The following KLF5 variants were observed in gnomAD, a reference collection of about 807,000 sequenced individuals.
The protein encoded by KLF5 is Krueppel-like factor 5.
A neutral mutation model predicts 36.9 loss-of-function variants in KLF5; 9 were observed. That is an observed-to-expected ratio of 0.24 (90% CI 0.15 to 0.43). KLF5 has a LOEUF of 0.43. Ranked by LOEUF, KLF5 falls within the 20% of genes least tolerant of loss-of-function variation. The pLI is 1.00. For missense variants in KLF5, 524 were observed against 599.5 expected, an observed-to-expected ratio of 0.87 and a Z score of 1.31; for synonymous variants, 246 against 241.7, an observed-to-expected ratio of 1.02 and a Z score of -0.17.
At chr13:73,067,014 G>A (rs9543222) in intron 3 of KLF5, among the ~76,000 whole-genome samples, 125,497 of 152,170 alleles carry the variant, frequency 0.82, 53,974 homozygotes, top group East Asian at 0.96. Flanking sequence ...ATTATTTGTA[G>A]TATGTGTGTG....
rs534052969 is a variant in KLF5, at chr13:73,063,928, A to G, written c.1195+45A>G. On this transcript the variant is annotated intron_variant, in intron 3 of 3. Coordinates refer to ENST00000377687, the MANE Select transcript of KLF5 (RefSeq NM_001730.5). The stretch of plus-strand genomic sequence containing the variant: ...ATTCTGTGAGTTGTGTAAATAGTGT[A>G]AGTGGTATTCATCCTTTTAAAAGCT... The G allele has an allele frequency of 4.1e-6, 5 of 1,214,922 alleles. No individual in the cohort carries two copies. The South Asian group carries it at 6.1e-5, about 15-fold the overall frequency. 75.3% of individuals were successfully genotyped at this position (1,214,922 alleles called of 1,614,324 possible). A position where few individuals can be genotyped will look rare whatever the true frequency, so the allele number is the denominator to read the frequency against.
In KLF5 at chr13:73,059,516, G is replaced by T. The variant is rs1224751182; in HGVS notation, c.189G>T (p.Ala63=). The T allele has an allele frequency of 5.8e-6, 7 of 1,202,908 alleles. No homozygotes were observed. The African/African-American group carries it at 1.1e-4, about 19-fold the overall frequency. The allele number at this position is 1,202,908 out of a possible 1,614,324, so 74.5% of individuals were successfully genotyped here. ...ACCACCGCCCGCAGGCGCAGCCCGC[G>T]CCCGCGCAGGCCCCGCAGCCGGCCC... is the stretch of plus-strand genomic sequence containing the variant. ...HAHHRPQAQP[A]PAQAPQPAQP... The change falls in exon 1 of 4, where the codon GCG becomes GCT. Residue 63 remains alanine (A), a synonymous_variant. Transcript: ENST00000377687.
rs535797243 is a variant in KLF5 at position 73,076,560 on chromosome 13, C to G, written c.*674C>G. On this transcript the variant is annotated 3_prime_UTR_variant, in exon 4 of 4. Transcript: ENST00000377687. ...ACAGTTAGGATTTGTGGTAAGGTACCTCTCAACATTACCAAAATCATTTCT... is the reference window on the plus strand; with the variant it reads ...ACAGTTAGGATTTGTGGTAAGGTACGTCTCAACATTACCAAAATCATTTCT... 3 of 152,368 alleles carry G rather than the reference C, an allele frequency of 2.0e-5. No homozygotes were observed. The highest frequency in any genetic ancestry group is 6.6e-5 in the Admixed American group (1 of 15,258). The allele number at this position is 152,368 out of a possible 1,614,324, so 9.4% of individuals were successfully genotyped here.
At position 73,075,975 on chromosome 13, in the gene KLF5, A is replaced by T; in HGVS notation, c.*89A>T. ...CTGTGTAAAAACAACAAAAACAAAC[A>T]AAAGCAAGAAAACCACAACTAAAAC... On this transcript the variant is annotated 3_prime_UTR_variant, in exon 4 of 4. Transcript: ENST00000377687. 1 of 1,041,742 alleles carries T rather than the reference A, an allele frequency of 9.6e-7. No individual in the cohort carries two copies. Among genetic ancestry groups the T allele is most frequent in the South Asian group, 2.5e-5 (1 of 39,760 alleles). 64.5% of individuals were successfully genotyped at this position (1,041,742 alleles called of 1,614,324 possible).
upstream of KLF5, among the ~76,000 whole-genome samples, chr13:73,057,855 A>T (rs2044594227): frequency 6.6e-6 from 1 of 152,226 alleles, no homozygotes; most frequent in Non-Finnish European, 1.5e-5. Context: ...GTACAAGAAC[A>T]TTAAGGATTA....
chr13:73,055,896 A>C (rs144147992), upstream of KLF5, among the ~76,000 whole-genome samples: 67 of 152,162 alleles, frequency 4.4e-4, no homozygotes, highest in East Asian at 0.012. Flanking sequence ...TGGCTGTGAT[A>C]CTCTATACCT....
At position 73,076,010 on chromosome 13, in the gene KLF5, A is replaced by G. The variant is rs886200551; in HGVS notation, c.*124A>G. On this transcript the variant is annotated 3_prime_UTR_variant, in exon 4 of 4. Transcript: ENST00000377687. ...AAACCACAACTAAAACTGGAAATGTATATTTTGTATATTTGAGAAAACAGG... is the reference window on the plus strand; with the variant it reads ...AAACCACAACTAAAACTGGAAATGTGTATTTTGTATATTTGAGAAAACAGG... 3.8e-6 allele frequency: 3 copies of G among 789,702 alleles called. No individual in the cohort carries two copies. Among genetic ancestry groups the G allele is most frequent in the Non-Finnish European group, 5.6e-6 (3 of 537,458 alleles). 48.9% of individuals were successfully genotyped at this position (789,702 alleles called of 1,614,324 possible).
upstream of KLF5, among the ~76,000 whole-genome samples, chr13:73,056,030 C>T (rs1413139159): frequency 6.6e-6 from 1 of 151,392 alleles, no homozygotes; most frequent in African/African-American, 2.4e-5. Context: ...CTTCATATTT[C>T]CCTCATCTCA....
At chr13:73,062,959 T>C (rs1488909265) in intron 2 of KLF5, among the ~76,000 whole-genome samples, 1 of 152,156 alleles carries the variant, frequency 6.6e-6, no homozygotes, top group African/African-American at 2.4e-5. Context: ...AGTTGTCTGT[T>C]GCTTATGTTA....
In KLF5 at chr13:73,062,276, G is replaced by A; in HGVS notation, c.677G>A (p.Gly226Asp). The A allele has an allele frequency of 8.7e-6, 14 of 1,613,812 alleles. No individual in the cohort carries two copies. The highest frequency in any genetic ancestry group is 1.2e-5 in the Non-Finnish European group (14 of 1,179,972). The part of the protein sequence containing the change: ...DLHLSVPTQQ[G>D]HLYQLLNTPD... ...CATCTTTCTGTCCCTACCCAGCAGG[G>A]CCACCTGTACCAGCTACTGAATACA... Residue 226 changes from glycine to aspartate, a missense_variant, in exon 2 of 4, where the codon GGC becomes GAC. Coordinates refer to ENST00000377687, the MANE Select transcript of KLF5 (RefSeq NM_001730.5).
chr13:73,069,640 C>CA (rs2139114056), intron 3 of KLF5, among the ~76,000 whole-genome samples: 1 of 152,164 alleles, frequency 6.6e-6, no homozygotes, highest in South Asian at 2.1e-4. Flanking sequence ...AGCTTAGAAG[C>CA]AATTTCTTTT....
At chr13:73,064,883 G>A (rs1307133537) in intron 3 of KLF5, among the ~76,000 whole-genome samples, 1 of 152,094 alleles carries the variant, frequency 6.6e-6, no homozygotes, top group Non-Finnish European at 1.5e-5. Flanking sequence ...TATATCAGAA[G>A]CCATTTTAAG....
chr13:73,070,124 T>C (rs138070297), intron 3 of KLF5, among the ~76,000 whole-genome samples: 305 of 152,324 alleles, frequency 2.0e-3, no homozygotes, highest in African/African-American at 7.1e-3. Context: ...ACAACTCTTA[T>C]TAAGGATAAG....
rs2044764849 is a variant in KLF5 at position 73,076,780 on chromosome 13, T to G, written c.*894T>G. 1 of 152,194 alleles carries G rather than the reference T, an allele frequency of 6.6e-6. No homozygotes were observed. The highest frequency in any genetic ancestry group is 2.4e-5 in the African/African-American group (1 of 41,446). 9.4% of individuals were successfully genotyped at this position (152,194 alleles called of 1,614,324 possible). A position where few individuals can be genotyped will look rare whatever the true frequency, so the allele number is the denominator to read the frequency against. ...CAATGTCATTTTTAAAAAGAAGGACTTAGGGTGTCGTTTTCACATATGACA... is the reference window on the plus strand; with the variant it reads ...CAATGTCATTTTTAAAAAGAAGGACGTAGGGTGTCGTTTTCACATATGACA... On this transcript the variant is annotated 3_prime_UTR_variant, in exon 4 of 4. Transcript: ENST00000377687.
At position 73,059,693 on chromosome 13, in the gene KLF5, C is replaced by T. The variant is rs2044616201; in HGVS notation, c.261+105C>T. ...GGCCGCTCCAGGCTGGGGCGTGCGT[C>T]GGGGCGCACCGGAGCCGGTGCTGGG... is the stretch of plus-strand genomic sequence containing the variant. On this transcript the variant is annotated intron_variant, in intron 1 of 3. Transcript: ENST00000377687. 5 of 936,192 alleles carry T rather than the reference C, an allele frequency of 5.3e-6. No individual in the cohort carries two copies. The South Asian group carries it at 2.0e-4, about 38-fold the overall frequency. The allele number at this position is 936,192 out of a possible 1,614,324, so 58.0% of individuals were successfully genotyped here.
At chr13:73,055,239 G>C (rs1301729866), upstream of KLF5, 1 of 152,100 alleles carries the variant, frequency 6.6e-6, no homozygotes, top group Non-Finnish European at 1.5e-5. Context: ...AGGAATAAGT[G>C]CATAAAGGGA....
chr13:73,057,755 T>C (rs971106871), upstream of KLF5, among the ~76,000 whole-genome samples: 2 of 152,232 alleles, frequency 1.3e-5, no homozygotes, highest in African/African-American at 4.8e-5. Context: ...TGGTATATTG[T>C]GTGTCAACAT....
Position 73,072,393 on chromosome 13 carries a change from C to T in KLF5, c.1196-3315C>T, listed in dbSNP as rs992347129. On this transcript the variant is annotated intron_variant, in intron 3 of 3. Coordinates refer to ENST00000377687, the MANE Select transcript of KLF5 (RefSeq NM_001730.5). ...AACAGTGCTCAGGACCCCACAGGCCCCACAGAGGCTGGCACTGCCAGGTTG... is the reference window on the plus strand; with the variant it reads ...AACAGTGCTCAGGACCCCACAGGCCTCACAGAGGCTGGCACTGCCAGGTTG... Among the ~76,000 whole-genome samples the T allele has an allele frequency of 7.9e-5, 12 of 152,206 alleles. No homozygotes were observed. The South Asian group carries it at 8.3e-4, about 10-fold the overall frequency.
Position 73,075,653 on chromosome 13 carries a change from C to A in KLF5, c.1196-55C>A, listed in dbSNP as rs1016312761. The A allele has an allele frequency of 2.8e-6, 4 of 1,425,958 alleles. No homozygotes were observed. The African/African-American group carries it at 4.2e-5, about 15-fold the overall frequency. 88.3% of individuals were successfully genotyped at this position (1,425,958 alleles called of 1,614,324 possible). On this transcript the variant is annotated intron_variant, in intron 3 of 3. Coordinates refer to ENST00000377687, the MANE Select transcript of KLF5 (RefSeq NM_001730.5). ...TTTGAAATTCCTTCTCCGGTGTTAT[C>A]TAGGATGTTTGCATTACAAGCAGGC...
Sources: allele counts gnomAD v4.1 joint callset (sites outside exome capture counted in the v4.1 genomes callset), GRCh38; gene constraint gnomAD v4.1.1; transcripts MANE v1.5; gene names NCBI Gene and HGNC (gene_info 2026-07-23, HGNC 2026-07-21).